COL6A3: variants seen among roughly 807,000 people sequenced by gnomAD.
The protein encoded by COL6A3 is collagen alpha-3(VI) chain.
COL6A3 carries 137 observed loss-of-function variants against 274.1 expected under a neutral mutation model. The ratio of observed to expected loss-of-function variants is 0.50; its 90% CI spans 0.44 to 0.58. The LOEUF (loss-of-function observed/expected upper bound fraction) is 0.58, where lower values mean the gene tolerates loss of function less well. COL6A3 is among the 20% of genes least tolerant of loss of function. The pLI, the probability that COL6A3 is intolerant of heterozygous loss-of-function variation, is 0.00. For missense variants in COL6A3, 3,950 were observed against 4,124.9 expected (o/e 0.96, Z 1.16); for synonymous variants, 1,650 against 1,650.6 (o/e 1.00, Z 0.01).
In COL6A3 at chr2:237,361,907, G is replaced by A. The variant is rs924242601; in HGVS notation, c.6064-76C>T. 1.5e-6 allele frequency: 2 copies of A among 1,293,602 alleles called. No homozygotes were observed. The highest frequency in any genetic ancestry group is 2.9e-5 in the African/African-American group (2 of 68,680). 80.1% of individuals were successfully genotyped at this position (1,293,602 alleles called of 1,614,324 possible). A position where few individuals can be genotyped will look rare whatever the true frequency, so the allele number is the denominator to read the frequency against. On this transcript the variant is annotated intron_variant, in intron 14 of 43. Coordinates refer to ENST00000295550, the MANE Select transcript of COL6A3 (RefSeq NM_004369.4). This position sits in a 1 kb window ranked among gnomAD's most constrained non-coding sequence, Gnocchi z 5.1. Reference sequence around the variant, plus strand: ...AGAAAATCATAAATGCGCTTTAAGGGTCAAAATCGGATGTGTGGGGGTTTC... The same window carrying A: ...AGAAAATCATAAATGCGCTTTAAGGATCAAAATCGGATGTGTGGGGGTTTC...
At chr2:237,399,015 G>C (rs2078522230) in intron 1 of COL6A3, among the ~76,000 whole-genome samples, 2 of 152,102 alleles carry the variant, frequency 1.3e-5, no homozygotes, top group Admixed American at 6.5e-5. Context: ...CATGCTTACA[G>C]GAAAAAATGG....
intron 6 of COL6A3, among the ~76,000 whole-genome samples, chr2:237,377,793 C>G (rs2077890218): frequency 6.6e-6 from 1 of 152,098 alleles, no homozygotes; most frequent in African/African-American, 2.4e-5. Context: ...TCAAAGATAA[C>G]TGGGTTGCCA....
chr2:237,361,430 G>A lies in COL6A3; in HGVS notation c.6157-256C>T, dbSNP rs1419025095. Among the ~76,000 whole-genome samples, 1 of 152,214 alleles carries A rather than the reference G, an allele frequency of 6.6e-6. No homozygotes were observed. The highest frequency in any genetic ancestry group is 1.5e-5 in the Non-Finnish European group (1 of 68,038). ...CTATGAGTTCCAGCTGCCATTCGCA[G>A]CCAGGCTGCTGTCAGGGACGCCAGC... On this transcript the variant is annotated intron_variant, in intron 15 of 43. Coordinates refer to ENST00000295550, the MANE Select transcript of COL6A3 (RefSeq NM_004369.4). The surrounding 1 kb of genome is among the most constrained non-coding windows in gnomAD (Gnocchi z 5.1).
chr2:237,379,275 C>T, intron 5 of COL6A3, 40 bp from the exon 6 acceptor site: 1 of 1,613,716 alleles, frequency 6.2e-7, no homozygotes, highest in East Asian at 2.2e-5. Flanking sequence ...ACATACACAA[C>T]CACGGAGAGT....
At chr2:237,348,502 TACAAAG>T in intron 29 of COL6A3, 105 bp downstream of exon 29, 2 of 1,375,110 alleles carry the variant, frequency 1.5e-6, no homozygotes, top group South Asian at 1.2e-5. Context: ...CTCACTCAAA[TACAAAG>T]ACAATTTTTA....
Position 237,357,398 on chromosome 2 carries a change from T to G in COL6A3, c.6538-7A>C. On this transcript the variant is annotated splice_polypyrimidine_tract_variant and splice_region_variant and intron_variant, in intron 22 of 43. Coordinates refer to ENST00000295550, the MANE Select transcript of COL6A3 (RefSeq NM_004369.4). The stretch of plus-strand genomic sequence containing the variant: ...CATCTCTCCCTGGGACACCCTGGTG[T>G]GGGGAAAATTAGCATGAGATTCTCA... 6.2e-7 allele frequency: 1 copy of G among 1,612,438 alleles called. No homozygotes were observed. Among genetic ancestry groups the G allele is most frequent in the Non-Finnish European group, 8.5e-7 (1 of 1,178,488 alleles).
intron 1 of COL6A3, among the ~76,000 whole-genome samples, chr2:237,411,881 G>A (rs989683976): frequency 4.6e-5 from 7 of 152,088 alleles, no homozygotes; most frequent in African/African-American, 1.7e-4. Context: ...AAAGAGCGGG[G>A]CCAAGGGCTA....
intron 14 of COL6A3, among the ~76,000 whole-genome samples, chr2:237,362,940 G>C (rs969950708): frequency 6.6e-6 from 1 of 152,184 alleles, no homozygotes; most frequent in East Asian, 1.9e-4. Context: ...CAATCTCGAT[G>C]GTTTGCATCC....
intron 25 of COL6A3, 131 bp downstream of exon 25, chr2:237,353,210 T>C: frequency 1.2e-6 from 1 of 855,102 alleles, no homozygotes; most frequent in Non-Finnish European, 1.9e-6. Flanking sequence ...CACAGCATTG[T>C]GGAAGTACCA....
chr2:237,363,133 A>G, intron 14 of COL6A3, 120 bp downstream of exon 14: 2 of 924,354 alleles, frequency 2.2e-6, no homozygotes, highest in Non-Finnish European at 3.4e-6. Flanking sequence ...AAATTTAACT[A>G]TCTACCAAGG....
In COL6A3 at chr2:237,344,942, G is replaced by GT. The variant is rs747710309; in HGVS notation, c.7172dup (p.Tyr2391Ter). The change falls in exon 35 of 44, where the codon TAC becomes TAAC. Residue 2391 changes from tyrosine to a stop codon, truncating the protein, a stop_gained and frameshift_variant and splice_region_variant. Transcript: ENST00000295550. LOFTEE classifies it high-confidence loss of function. The surrounding 1 kb of genome is among the most constrained non-coding windows in gnomAD (Gnocchi z 4.8). The stretch of plus-strand genomic sequence containing the variant: ...AGAAAGTCACCAAAATCAACTTACC[G>GT]TAACAGCAAGCTAGAAAAGAAGCAA... ...QSIKDKCPCC[Y>*]GPLECPVFPT... 1 of 1,614,072 alleles carries GT rather than the reference G, an allele frequency of 6.2e-7. No individual in the cohort carries two copies. The highest frequency in any genetic ancestry group is 8.5e-7 in the Non-Finnish European group (1 of 1,180,018).
chr2:237,350,078 C>T, intron 28 of COL6A3, 69 bp downstream of exon 28: 1 of 1,437,746 alleles, frequency 7.0e-7, no homozygotes, highest in Non-Finnish European at 9.8e-7. Context: ...TTGGAACCCT[C>T]TCCTGGCTTC....
In COL6A3 at chr2:237,371,426, G is replaced by A. The variant is rs562133913; in HGVS notation, c.4285+306C>T. Among the ~76,000 whole-genome samples the A allele has an allele frequency of 1.1e-3, 170 of 152,060 alleles. No homozygotes were observed. The highest frequency in any genetic ancestry group is 4.1e-3 in the African/African-American group (169 of 41,494). On this transcript the variant is annotated intron_variant, in intron 9 of 43. Coordinates refer to ENST00000295550, the MANE Select transcript of COL6A3 (RefSeq NM_004369.4). This position sits in a 1 kb window ranked among gnomAD's most constrained non-coding sequence, Gnocchi z 4.3. The stretch of plus-strand genomic sequence containing the variant: ...AGCCTGGCCAACATGGTGAAACCCC[G>A]TCTCCACAAAAAATACAAAAAATTA...
intron 2 of COL6A3, among the ~76,000 whole-genome samples, chr2:237,396,431 G>A (rs2106390711): frequency 6.6e-6 from 1 of 152,278 alleles, no homozygotes. Flanking sequence ...CCTTCAGGTG[G>A]TAAAACATTT....
chr2:237,406,155 C>T (rs1574778484), intron 1 of COL6A3, among the ~76,000 whole-genome samples: 1 of 152,120 alleles, frequency 6.6e-6, no homozygotes, highest in East Asian at 1.9e-4. Context: ...CCTACATGGC[C>T]CTTCAACCTG....
intron 39 of COL6A3, 105 bp from the exon 40 acceptor site, chr2:237,336,637 C>T (rs1229254711): frequency 1.7e-6 from 2 of 1,192,488 alleles, no homozygotes; most frequent in Non-Finnish European, 2.4e-6. Context: ...AAAATGCATG[C>T]AATAGTTTTT....
chr2:237,369,116 T>C lies in COL6A3; in HGVS notation c.4347A>G (p.Pro1449=). The C allele has an allele frequency of 1.2e-6, 2 of 1,614,184 alleles. No individual in the cohort carries two copies. The highest frequency in any genetic ancestry group is 1.7e-6 in the Non-Finnish European group (2 of 1,180,050). Residue 1449 remains proline, a synonymous_variant, in exon 10 of 44, where the codon CCA becomes CCG. Coordinates refer to ENST00000295550, the MANE Select transcript of COL6A3 (RefSeq NM_004369.4). ...FLIDSSEGVR[P]DGFAHIRDFV... The stretch of plus-strand genomic sequence containing the variant: ...AATCTCGAATATGTGCAAAGCCATC[T>C]GGCCTAACTCCCTCAGAGCTGTCGA...
At chr2:237,348,241 G>T in intron 30 of COL6A3, 108 bp downstream of exon 30, 1 of 963,454 alleles carries the variant, frequency 1.0e-6, no homozygotes, top group Non-Finnish European at 1.7e-6. Flanking sequence ...CCAGTTAACT[G>T]AGTGGCTGAC....
In COL6A3 at chr2:237,340,445, G is replaced by A. The variant is rs745703097; in HGVS notation, c.8464+7C>T. 2 of 1,611,056 alleles carry A rather than the reference G, an allele frequency of 1.2e-6. No homozygotes were observed. The highest frequency in any genetic ancestry group is 1.1e-5 in the South Asian group (1 of 91,036). Reference sequence around the variant, plus strand: ...CCAGGGCACATGCTGTGCCACGCAGGACTTACTGCTGACGAAGGATGGCAA... The same window carrying A: ...CCAGGGCACATGCTGTGCCACGCAGAACTTACTGCTGACGAAGGATGGCAA... On this transcript the variant is annotated splice_region_variant and intron_variant, in intron 38 of 43. Coordinates refer to ENST00000295550, the MANE Select transcript of COL6A3 (RefSeq NM_004369.4).
Sources: gnomAD v4.1 joint callset for allele counts (sites outside exome capture counted in the v4.1 genomes callset) on GRCh38, gnomAD v4.1.1 for gene constraint, Gnocchi (gnomAD v3.1) non-coding constraint, MANE v1.5 for transcripts, NCBI Gene and HGNC (gene_info 2026-07-23, HGNC 2026-07-21) for gene names.